Variants in COQ5 observed in about 807,000 individuals in gnomAD.
COQ5 encodes 2-methoxy-6-polyprenyl-1,4-benzoquinol methylase, mitochondrial.
A neutral mutation model predicts 40.5 loss-of-function variants in COQ5; 27 were observed. The ratio of observed to expected loss-of-function variants is 0.67; its 90% CI spans 0.49 to 0.92. The LOEUF (loss-of-function observed/expected upper bound fraction) is 0.92, where lower values mean the gene tolerates loss of function less well. Among genes scored for constraint, COQ5 ranks in the 40% least tolerant of loss-of-function variants. The probability of loss-of-function intolerance (pLI) is 0.00; values close to 1 mark genes in which losing one functional copy is unlikely to be tolerated. For missense variants in COQ5, 409 were observed against 406.4 expected (o/e 1.01, Z -0.06); for synonymous variants, 141 against 150.0 (o/e 0.94, Z 0.44).
chr12:120,513,380 T>A (rs1213283556), intron 3 of COQ5, among the ~76,000 whole-genome samples: 2 of 150,642 alleles, frequency 1.3e-5, no homozygotes, highest in Non-Finnish European at 3.0e-5. Context: ...CATGTGCCTG[T>A]AGTCCCAGCT....
intron 1 of COQ5, among the ~76,000 whole-genome samples, chr12:120,524,967 A>G (rs1026553908): frequency 4.0e-5 from 6 of 151,682 alleles, no homozygotes; most frequent in Admixed American, 3.9e-4. Context: ...ACGTGCCACC[A>G]TGCCCAGCTA....
chr12:120,517,123 G>A (rs1321979595), intron 2 of COQ5, among the ~76,000 whole-genome samples: 1 of 152,080 alleles, frequency 6.6e-6, no homozygotes, highest in Admixed American at 6.6e-5. Context: ...GAGACTGGGG[G>A]ATCACCTGAG....
intron 1 of COQ5, among the ~76,000 whole-genome samples, chr12:120,525,965 G>A (rs558284390): frequency 6.6e-6 from 1 of 151,612 alleles, no homozygotes; most frequent in Non-Finnish European, 1.5e-5. Flanking sequence ...TAAGCAAATA[G>A]TCCTGGCTTT....
At position 120,529,024 on chromosome 12, in the gene COQ5, C is replaced by T; in HGVS notation, c.118G>A (p.Ala40Thr). The T allele has an allele frequency of 6.2e-7, 1 of 1,614,104 alleles. No individual in the cohort carries two copies. The change falls in exon 1 of 7, where the codon GCT (alanine) becomes ACT (threonine). Residue 40 changes from alanine to threonine, a missense_variant. Coordinates refer to ENST00000288532, the MANE Select transcript of COQ5 (RefSeq NM_032314.4). ...CGCTTCTCTTGGGACAAGAGCCGAG[C>T]ACTTAGTAGGTCCCCGGGCCAAGAG... Reference protein sequence around the residue: ...RSSWPGDLLSARLLSQEKRAA... With the variant: ...RSSWPGDLLSTRLLSQEKRAA...
At chr12:120,522,916 G>A in intron 1 of COQ5, 3 of 696,882 alleles carry the variant, frequency 4.3e-6, no homozygotes, top group South Asian at 3.3e-5. Context: ...GCGTCAGCAC[G>A]TGCACTCGTG....
intron 1 of COQ5, among the ~76,000 whole-genome samples, chr12:120,524,163 G>A (rs1411070694): frequency 2.3e-4 from 35 of 152,124 alleles, no homozygotes; most frequent in Admixed American, 2.3e-3. Context: ...GCTCTCATGA[G>A]TCTTCTCCAT....
rs888019029 is a variant in COQ5 at position 120,522,214 on chromosome 12, C to T, written c.352G>A (p.Gly118Ser). ...TQLLDVAGGT[G>S]DIAFRFLNYV... ...TGAAGGATACCAAACTCGACATTAC[C>T]TGTGCCTCCAGCAACATCAAGCAGC... The change falls in exon 2 of 7, where the codon GGT (glycine) becomes AGT (serine). Residue 118 changes from glycine to serine, a missense_variant and splice_region_variant. Gly to Ser is a moderately conservative substitution (Grantham distance 56). Transcript: ENST00000288532. The T allele has an allele frequency of 3.1e-6, 5 of 1,614,100 alleles. No homozygotes were observed. Among genetic ancestry groups the T allele is most frequent in the Middle Eastern group, 1.6e-4 (1 of 6,062 alleles).
intron 1 of COQ5, among the ~76,000 whole-genome samples, chr12:120,527,934 C>T (rs111911648): frequency 0.032 from 4,161 of 129,520 alleles, 209 homozygotes; most frequent in African/African-American, 0.11. Context: ...TTGCAGTGAG[C>T]CGAGATCGCG....
intron 1 of COQ5, chr12:120,526,340 C>A: frequency 2.7e-6 from 1 of 371,534 alleles, no homozygotes; most frequent in Non-Finnish European, 5.4e-6. Flanking sequence ...AAGTGAAATT[C>A]AAATTGAGTG....
chr12:120,511,523 C>T (rs545932496), intron 3 of COQ5, among the ~76,000 whole-genome samples: 2 of 152,226 alleles, frequency 1.3e-5, no homozygotes, highest in South Asian at 2.1e-4. Flanking sequence ...CGGTGGCATG[C>T]ACCTGTAATC....
chr12:120,503,314 A>G lies in COQ5; in HGVS notation c.*470T>C, dbSNP rs1868715552. ...AACTCGTTTACTGGTTCAGCACACA[A>G]TTCTCATGATCATTAATACTCTGAC... is the stretch of plus-strand genomic sequence containing the variant. On this transcript the variant is annotated 3_prime_UTR_variant, in exon 7 of 7. Transcript: ENST00000288532. 3.1e-6 allele frequency: 1 copy of G among 326,788 alleles called. No individual in the cohort carries two copies. The highest frequency in any genetic ancestry group is 3.9e-5 in the Admixed American group (1 of 25,832). The allele number at this position is 326,788 out of a possible 1,614,324, so 20.2% of individuals were successfully genotyped here.
intron 4 of COQ5, among the ~76,000 whole-genome samples, chr12:120,508,036 G>C (rs554109670): frequency 6.6e-6 from 1 of 151,738 alleles, no homozygotes; most frequent in Non-Finnish European, 1.5e-5. Context: ...TCACTCTGTC[G>C]CCCAGGCGGA....
At chr12:120,522,168 G>A (rs1338342709) in intron 2 of COQ5, 46 bp downstream of exon 2, 1 of 1,609,004 alleles carries the variant, frequency 6.2e-7, no homozygotes, top group Non-Finnish European at 8.5e-7. Flanking sequence ...ACTAATTTCT[G>A]TAAAACATGC....
chr12:120,528,968 A>C lies in COQ5; in HGVS notation c.174T>G (p.Thr58=). 1 of 1,613,920 alleles carries C rather than the reference A, an allele frequency of 6.2e-7. No homozygotes were observed. Among genetic ancestry groups the C allele is most frequent in the Non-Finnish European group, 8.5e-7 (1 of 1,179,968 alleles). ...TGCCCCCCTTCTCCTCTTCCGACAC[A>C]GTCTCAAACCCAAAGTGCGTTTCCG... is the stretch of plus-strand genomic sequence containing the variant. ...RAAETHFGFE[T]VSEEEKGGKV... Residue 58 remains threonine, a synonymous_variant, in exon 1 of 7, where the codon ACT becomes ACG. Coordinates refer to ENST00000288532, the MANE Select transcript of COQ5 (RefSeq NM_032314.4).
chr12:120,525,207 C>T (rs796243720), intron 1 of COQ5, among the ~76,000 whole-genome samples: 1 of 152,224 alleles, frequency 6.6e-6, no homozygotes, highest in African/African-American at 2.4e-5. Flanking sequence ...TCAAGTGATT[C>T]TCCTGCCTCA....
chr12:120,522,583 G>A lies in COQ5; in HGVS notation c.203-220C>T, dbSNP rs1013002162. Reference sequence around the variant, plus strand: ...ATTTATTTGTACAAATAGCACAGGAGGACCCCAGCCCCATGCAGATGGCAG... The same window carrying A: ...ATTTATTTGTACAAATAGCACAGGAAGACCCCAGCCCCATGCAGATGGCAG... On this transcript the variant is annotated intron_variant, in intron 1 of 6. Transcript: ENST00000288532. 101 of 645,794 alleles carry A rather than the reference G, an allele frequency of 1.6e-4. 1 individual carries two copies. The highest frequency in any genetic ancestry group is 8.5e-4 in the Middle Eastern group (2 of 2,342). 40.0% of individuals were successfully genotyped at this position (645,794 alleles called of 1,614,324 possible). A position where few individuals can be genotyped will look rare whatever the true frequency, so the allele number is the denominator to read the frequency against.
chr12:120,522,074 G>T, intron 2 of COQ5, 140 bp downstream of exon 2: 1 of 771,336 alleles, frequency 1.3e-6, no homozygotes, highest in Non-Finnish European at 2.1e-6. Flanking sequence ...ATAAGTGCGT[G>T]CCTTTCTCAG....
chr12:120,529,047 G>T lies in COQ5; in HGVS notation c.95C>A (p.Ser32Tyr). ...RGCQLLGLRS[S>Y]WPGDLLSARL... ...AGCACTTAGTAGGTCCCCGGGCCAAGAGCTACGAAGCCCGAGGAGCTGGCA... is the reference window on the plus strand; with the variant it reads ...AGCACTTAGTAGGTCCCCGGGCCAATAGCTACGAAGCCCGAGGAGCTGGCA... The change falls in exon 1 of 7, where the codon TCT becomes TAT. Residue 32 changes from serine (S) to tyrosine (Y), a missense_variant. By Grantham distance (144) the Ser-to-Tyr change is moderately radical (BLOSUM62 -2). Transcript: ENST00000288532. The T allele has an allele frequency of 6.2e-7, 1 of 1,614,164 alleles. No individual in the cohort carries two copies. Among genetic ancestry groups the T allele is most frequent in the Non-Finnish European group, 8.5e-7 (1 of 1,180,034 alleles).
intron 5 of COQ5, 48 bp from the exon 6 acceptor site, chr12:120,504,129 CTTCTTCCCTAGATAAG>C (rs1868775346): frequency 9.2e-7 from 1 of 1,088,038 alleles, no homozygotes; most frequent in South Asian, 1.2e-5. Context: ...ATGCCCCTCA[CTTCTTCCCTAGATAAG>C]AAGAAAGAAG....
Sources: allele counts gnomAD v4.1 joint callset (sites outside exome capture counted in the v4.1 genomes callset), GRCh38; gene constraint gnomAD v4.1.1; transcripts MANE v1.5; gene names NCBI Gene and HGNC (gene_info 2026-07-23, HGNC 2026-07-21).